The following CFAP70 variants were observed in gnomAD, a reference collection of about 807,000 sequenced individuals.
The protein encoded by CFAP70 is cilia- and flagella-associated protein 70.
A neutral mutation model predicts 137.6 loss-of-function variants in CFAP70; 81 were observed. The observed-to-expected ratio is 0.59, with a 90% confidence interval of 0.49 to 0.71. The LOEUF (loss-of-function observed/expected upper bound fraction) is 0.71. Among genes scored for constraint, CFAP70 ranks in the 30% least tolerant of loss-of-function variants. The pLI is 0.00. For missense variants in CFAP70, 976 were observed against 1,226.7 expected (o/e 0.80, Z 3.05); for synonymous variants, 382 against 423.6 (o/e 0.90, Z 1.20).
rs118119562 is a variant in CFAP70, at chr10:73,315,531, G to A, written c.913-2888C>T. On this transcript the variant is annotated intron_variant, in intron 9 of 26. Coordinates refer to ENST00000310715, the Ensembl canonical transcript of CFAP70. ...TAGAAATGATTTGTTGGGTTGTATG[G>A]TAAGTTTATACTTACCATAGATATT... Among the ~76,000 whole-genome samples the A allele has an allele frequency of 5.7e-3, 867 of 152,096 alleles. 8 individuals carry two copies. Among genetic ancestry groups the A allele is most frequent in the Non-Finnish European group, 7.7e-3 (522 of 67,972 alleles).
At chr10:73,356,401 G>A (rs2054682253) in intron 1 of CFAP70, among the ~76,000 whole-genome samples, 1 of 152,044 alleles carries the variant, frequency 6.6e-6, no homozygotes, top group African/African-American at 2.4e-5. Context: ...GTTTCACCAT[G>A]CTGTCTAGGC....
At chr10:73,345,945 G>C (rs1254150401) in intron 4 of CFAP70, among the ~76,000 whole-genome samples, 1 of 151,292 alleles carries the variant, frequency 6.6e-6, no homozygotes, top group Non-Finnish European at 1.5e-5. Flanking sequence ...TGTCACCCAG[G>C]CTGGTGTGTA....
chr10:73,356,788 T>C (rs1017146301), intron 1 of CFAP70, among the ~76,000 whole-genome samples: 1 of 152,208 alleles, frequency 6.6e-6, no homozygotes, highest in African/African-American at 2.4e-5. Context: ...TTCAATAATA[T>C]GGCATTAGGC....
At chr10:73,351,071 GTA>G (rs1158760266) in intron 3 of CFAP70, among the ~76,000 whole-genome samples, 706 of 31,338 alleles carry the variant, frequency 0.023, 8 homozygotes, top group African/African-American at 0.028. Context: ...GTGTGTGTGT[GTA>G]TATATATATA....
chr10:73,308,033 T>C (rs2049546258), intron 12 of CFAP70, among the ~76,000 whole-genome samples: 2 of 150,628 alleles, frequency 1.3e-5, no homozygotes, highest in South Asian at 2.1e-4. Context: ...TGTGCTCCTA[T>C]AGTCCCAGCT....
chr10:73,323,222 A>G (rs1245296115), intron 8 of CFAP70, 125 bp from the exon 10 acceptor site: 7 of 818,220 alleles, frequency 8.6e-6, no homozygotes, highest in Non-Finnish European at 1.0e-5. Context: ...CAGTTATGTG[A>G]CTTTGGGCCA....
chr10:73,270,144 T>G (rs2046128320), intron 24 of CFAP70, among the ~76,000 whole-genome samples: 1 of 152,184 alleles, frequency 6.6e-6, no homozygotes, highest in African/African-American at 2.4e-5. Context: ...ATCCTTTTCT[T>G]GAGGTAAAAA....
chr10:73,278,142 G>GC (rs749461802), intron 20 of CFAP70, 37 bp downstream of exon 21: 1 of 1,598,118 alleles, frequency 6.3e-7, no homozygotes, highest in Non-Finnish European at 8.6e-7. Context: ...TCTAGCTTAT[G>GC]CCCCTCTTCC....
exon 2 of CFAP70, chr10:73,354,812 A>G: frequency 6.2e-7 from 1 of 1,613,354 alleles, no homozygotes; most frequent in Non-Finnish European, 8.5e-7. Flanking sequence ...CAACTGGGAA[A>G]AGTCCCTCTG....
intron 3 of CFAP70, 93 bp downstream of exon 3, chr10:73,353,463 G>T: frequency 2.6e-6 from 3 of 1,155,506 alleles, no homozygotes; most frequent in Non-Finnish European, 3.7e-6. Flanking sequence ...TTAGTTACAT[G>T]TTTAAAAGAA....
Position 73,345,261 on chromosome 10 carries a change from T to G in CFAP70, c.350-147A>C. 1 of 1,602,068 alleles carries G rather than the reference T, an allele frequency of 6.2e-7. No homozygotes were observed. Among genetic ancestry groups the G allele is most frequent in the Non-Finnish European group, 8.5e-7 (1 of 1,172,206 alleles). On this transcript the variant is annotated intron_variant, in intron 4 of 26. Transcript: ENST00000310715. ...ACTGCACTGCTGTAAAAGAATAAAA[T>G]TATGCAGCATTTTGAAAATTGCCAG...
chr10:73,284,764 A>C (rs1400150051), intron 19 of CFAP70, among the ~76,000 whole-genome samples: 13 of 30,708 alleles, frequency 4.2e-4, no homozygotes, highest in South Asian at 2.6e-3. Flanking sequence ...ATATATATAT[A>C]TATATATATA....
chr10:73,345,006 T>C, intron 5 of CFAP70, 59 bp downstream of exon 6: 1 of 1,390,888 alleles, frequency 7.2e-7, no homozygotes, highest in Non-Finnish European at 1.0e-6. Flanking sequence ...GAGGAAGAGA[T>C]GGCCATATGA....
chr10:73,348,326 A>G, intron 4 of CFAP70, 91 bp from the exon 5 acceptor site: 2 of 1,530,966 alleles, frequency 1.3e-6, no homozygotes, highest in Non-Finnish European at 9.0e-7. Context: ...TTTCCCCTCA[A>G]ATCCCTCAAA....
chr10:73,272,995 T>C, exon 24 of CFAP70: 1 of 1,551,706 alleles, frequency 6.4e-7, no homozygotes, highest in East Asian at 2.4e-5. Flanking sequence ...GGCTTGCATA[T>C]AGGTTTTCTT....
intron 24 of CFAP70, among the ~76,000 whole-genome samples, chr10:73,272,342 CAAAT>C (rs146457367): frequency 2.6e-5 from 4 of 151,502 alleles, no homozygotes; most frequent in Non-Finnish European, 5.9e-5. Context: ...GACTCCATCT[CAAAT>C]AAATAAATAA....
At chr10:73,267,501 G>A (rs1165557559) in intron 25 of CFAP70, among the ~76,000 whole-genome samples, 1 of 152,196 alleles carries the variant, frequency 6.6e-6, no homozygotes, top group East Asian at 1.9e-4. Context: ...TTAGATTCAA[G>A]GGGGTGGAGA....
chr10:73,254,018 T>C (rs1013871440), exon 27 of CFAP70: 1 of 1,604,746 alleles, frequency 6.2e-7, no homozygotes, highest in South Asian at 1.1e-5. Flanking sequence ...CTGTAGTGTG[T>C]GGATCTCTGC....
exon 27 of CFAP70, chr10:73,253,892 G>A: frequency 9.1e-7 from 1 of 1,102,422 alleles, no homozygotes; most frequent in Non-Finnish European, 1.3e-6. Flanking sequence ...TCGTTCTCCA[G>A]CTCCAGGCTT....
Sources: allele counts gnomAD v4.1 joint callset (sites outside exome capture counted in the v4.1 genomes callset), GRCh38; gene constraint gnomAD v4.1.1; transcripts MANE v1.5; gene names NCBI Gene and HGNC (gene_info 2026-07-23, HGNC 2026-07-21).